CCDC102A: variants seen among roughly 807,000 people sequenced by gnomAD.
The protein encoded by CCDC102A is coiled-coil domain containing 102A.
Under a neutral mutation model 55.5 loss-of-function variants are expected in CCDC102A, and 40 were observed. The observed-to-expected ratio is 0.72, with a 90% CI of 0.56 to 0.94. The LOEUF (loss-of-function observed/expected upper bound fraction) is 0.94. Ranked by LOEUF, CCDC102A falls within the 40% of genes least tolerant of loss-of-function variation. The probability of loss-of-function intolerance (pLI) is 0.00; values close to 1 mark genes in which losing one functional copy is unlikely to be tolerated. For synonymous variants in CCDC102A, 323 were observed against 339.0 expected (o/e 0.95, Z 0.52); for missense variants, 779 against 768.6 (o/e 1.01, Z -0.16).
At position 57,516,284 on chromosome 16, in the gene CCDC102A, G is replaced by A; in HGVS notation, c.1419+9C>T. On this transcript the variant is annotated intron_variant, in intron 7 of 8. Coordinates refer to ENST00000258214, the MANE Select transcript of CCDC102A (RefSeq NM_033212.4). This position sits in a 1 kb window ranked among gnomAD's most constrained non-coding sequence, Gnocchi z 4.4. The stretch of plus-strand genomic sequence containing the variant: ...TCTGTTGCTGCCCCTGCCCCTCTGT[G>A]GTCCTCACCTCGTCCTCAGCCTGGG... 1.2e-6 allele frequency: 2 copies of A among 1,602,532 alleles called. No individual in the cohort carries two copies. Among genetic ancestry groups the A allele is most frequent in the Non-Finnish European group, 8.5e-7 (1 of 1,179,598 alleles).
intron 8 of CCDC102A, among the ~76,000 whole-genome samples, chr16:57,513,710 T>C (rs1389970791): frequency 2.0e-5 from 3 of 152,120 alleles, no homozygotes; most frequent in African/African-American, 7.2e-5. Context: ...TTTTGAAGGG[T>C]GTGTGCTGCA....
Position 57,529,292 on chromosome 16 carries a change from CT to C in CCDC102A, c.-116del, listed in dbSNP as rs1367854449. ...TGATGACGCCGTGCCCCGCTTCCCT[CT>C]GGGCCACCGGGCGGAGGACGCCTCC... is the stretch of plus-strand genomic sequence containing the variant. On this transcript the variant is annotated 5_prime_UTR_variant, in exon 2 of 9. Transcript: ENST00000258214. The surrounding 1 kb of genome is among the most constrained non-coding windows in gnomAD (Gnocchi z 4.1). 1 of 1,119,218 alleles carries C rather than the reference CT, an allele frequency of 8.9e-7. No individual in the cohort carries two copies. Among genetic ancestry groups the C allele is most frequent in the Non-Finnish European group, 1.1e-6 (1 of 914,776 alleles). 69.3% of individuals were successfully genotyped at this position (1,119,218 alleles called of 1,614,324 possible).
chr16:57,523,476 ATTT>A (rs766409543), intron 3 of CCDC102A, among the ~76,000 whole-genome samples: 1 of 144,290 alleles, frequency 6.9e-6, no homozygotes, highest in Non-Finnish European at 1.5e-5. Context: ...CATTATAGTG[ATTT>A]TTTTTTTTTT....
At chr16:57,536,269 C>G (rs1440046185) in intron 1 of CCDC102A, among the ~76,000 whole-genome samples, 2 of 152,094 alleles carry the variant, frequency 1.3e-5, no homozygotes, top group Non-Finnish European at 1.5e-5. Context: ...CCCCATCACC[C>G]CGCGGCCCCT....
chr16:57,519,243 G>C (rs1261113576), intron 4 of CCDC102A, among the ~76,000 whole-genome samples: 1 of 152,236 alleles, frequency 6.6e-6, no homozygotes, highest in Admixed American at 6.5e-5. Context: ...CACATGCGTG[G>C]ATCTTTCTGA....
chr16:57,527,418 C>CTTT (rs779320962), intron 2 of CCDC102A, among the ~76,000 whole-genome samples: 12 of 87,474 alleles, frequency 1.4e-4, no homozygotes, highest in South Asian at 3.9e-4. Context: ...ATTGCTGCTG[C>CTTT]TTTTTTTTTT....
At position 57,518,208 on chromosome 16, in the gene CCDC102A, C is replaced by A. The variant is rs2031990330; in HGVS notation, c.1108G>T (p.Gly370Cys). 1 of 1,612,660 alleles carries A rather than the reference C, an allele frequency of 6.2e-7. No individual in the cohort carries two copies. Among genetic ancestry groups the A allele is most frequent in the East Asian group, 2.2e-5 (1 of 44,876 alleles). ...RRERLETEKL[G>C]LERENKKLRA... is the part of the protein sequence containing the mutation. ...AGCTTCTTGTTCTCCCGCTCAAGGC[C>A]CAGTTTCTCTGTCTCCAGCCGCTCC... The change falls in exon 6 of 9, where the codon GGC (glycine) becomes TGC (cysteine). Residue 370 changes from glycine (G) to cysteine (C), a missense_variant. Transcript: ENST00000258214.
chr16:57,532,095 C>T (rs548654204), intron 1 of CCDC102A, among the ~76,000 whole-genome samples: 1 of 152,230 alleles, frequency 6.6e-6, no homozygotes, highest in East Asian at 1.9e-4. Context: ...CTCAGTTTCC[C>T]CATGTGTAGA....
intron 8 of CCDC102A, 77 bp from the exon 9 acceptor site, chr16:57,512,947 G>C (rs2031892810): frequency 4.6e-6 from 6 of 1,302,160 alleles, no homozygotes; most frequent in South Asian, 2.5e-5. Context: ...GCTGGTGCTG[G>C]AGCAGTTAAG....
At chr16:57,520,536 A>AATACATAAC (rs1332600749) in intron 4 of CCDC102A, among the ~76,000 whole-genome samples, 2 of 124,646 alleles carry the variant, frequency 1.6e-5, no homozygotes, top group African/African-American at 6.8e-5. Flanking sequence ...ACTCAGAAAA[A>AATACATAAC]ATAACATAAC....
intron 1 of CCDC102A, among the ~76,000 whole-genome samples, chr16:57,534,672 C>T (rs1314725260): frequency 6.6e-6 from 1 of 152,146 alleles, no homozygotes; most frequent in Non-Finnish European, 1.5e-5. Context: ...GGAAGGTACC[C>T]CTAAGAAGGT....
Position 57,525,881 on chromosome 16 carries a change from T to G in CCDC102A, c.812+20A>C, listed in dbSNP as rs755667746. The stretch of plus-strand genomic sequence containing the variant: ...ACGGCCTGGCCCTGGCCCTGCCCCC[T>G]CCCGCCTCCCACGACTCACTCTCGC... On this transcript the variant is annotated intron_variant, in intron 3 of 8. Coordinates refer to ENST00000258214, the MANE Select transcript of CCDC102A (RefSeq NM_033212.4). The G allele has an allele frequency of 1.2e-6, 2 of 1,609,112 alleles. No homozygotes were observed. Among genetic ancestry groups the G allele is most frequent in the South Asian group, 2.2e-5 (2 of 90,668 alleles).
chr16:57,530,510 C>T (rs536884293), intron 1 of CCDC102A, among the ~76,000 whole-genome samples: 30 of 152,302 alleles, frequency 2.0e-4, no homozygotes, highest in East Asian at 1.9e-4. Context: ...CTGGCTGTCC[C>T]CAAGGCTGCC....
At chr16:57,532,951 G>T (rs530874298) in intron 1 of CCDC102A, among the ~76,000 whole-genome samples, 1 of 152,292 alleles carries the variant, frequency 6.6e-6, no homozygotes, top group African/African-American at 2.4e-5. Flanking sequence ...GGCAGGGAGG[G>T]GGCCACTGCC....
rs745722625 is a variant in CCDC102A, at chr16:57,528,924, G to A, written c.254C>T (p.Ala85Val). Reference protein sequence around the residue: ...LRLRELEEARARAAQMEKTMR... With the variant: ...LRLRELEEARVRAAQMEKTMR... ...GGTCTTCTCCATCTGCGCCGCCCGCGCCCGCGCCTCCTCCAGCTCCCGCAG... is the reference window on the plus strand; with the variant it reads ...GGTCTTCTCCATCTGCGCCGCCCGCACCCGCGCCTCCTCCAGCTCCCGCAG... The change falls in exon 2 of 9, where the codon GCG becomes GTG. Residue 85 changes from alanine (A) to valine (V), a missense_variant. By Grantham distance (64) the Ala-to-Val change is moderately conservative (BLOSUM62 0). Coordinates refer to ENST00000258214, the MANE Select transcript of CCDC102A (RefSeq NM_033212.4). 1 of 1,402,576 alleles carries A rather than the reference G, an allele frequency of 7.1e-7. No individual in the cohort carries two copies. Among genetic ancestry groups the A allele is most frequent in the Non-Finnish European group, 9.4e-7 (1 of 1,068,596 alleles). 86.9% of individuals were successfully genotyped at this position (1,402,576 alleles called of 1,614,324 possible).
At chr16:57,518,373 TC>T in intron 5 of CCDC102A, 96 bp from the exon 6 acceptor site, 1 of 1,201,746 alleles carries the variant, frequency 8.3e-7, no homozygotes, top group Non-Finnish European at 1.2e-6. Flanking sequence ...CATTTTTGGC[TC>T]CAGGAAGCAG....
intron 3 of CCDC102A, among the ~76,000 whole-genome samples, chr16:57,521,774 T>G (rs1181581844): frequency 6.6e-6 from 1 of 152,222 alleles, no homozygotes; most frequent in Non-Finnish European, 1.5e-5. Flanking sequence ...ACAAGCATGA[T>G]GCCTGGCCCT....
intron 8 of CCDC102A, 23 bp from the exon 9 acceptor site, chr16:57,512,893 G>C: frequency 6.2e-7 from 1 of 1,606,876 alleles, no homozygotes; most frequent in East Asian, 2.2e-5. Context: ...GGTGACAGGA[G>C]GTTAGAGCAG....
At chr16:57,531,720 C>T (rs114206112) in intron 1 of CCDC102A, among the ~76,000 whole-genome samples, 1,970 of 152,282 alleles carry the variant, frequency 0.013, 31 homozygotes, top group South Asian at 0.087. Flanking sequence ...CTGCCCACCC[C>T]CATGTCCCTC....
Sources: allele counts gnomAD v4.1 joint callset (sites outside exome capture counted in the v4.1 genomes callset), GRCh38; gene constraint gnomAD v4.1.1; non-coding constraint Gnocchi (gnomAD v3.1); transcripts MANE v1.5; gene names NCBI Gene and HGNC (gene_info 2026-07-23, HGNC 2026-07-21).